The following FSTL4 variants were observed in gnomAD, a reference collection of about 807,000 sequenced individuals.
FSTL4 encodes the protein follistatin-related protein 4.
In FSTL4, 28 loss-of-function variants were observed where a neutral mutation model predicts 78.2. That is an observed-to-expected ratio of 0.36 (90% CI 0.27 to 0.49). The LOEUF (loss-of-function observed/expected upper bound fraction) is 0.49, where lower values mean the gene tolerates loss of function less well. Ranked by LOEUF, FSTL4 falls within the 20% of genes least tolerant of loss-of-function variation. The pLI, the probability that FSTL4 is intolerant of heterozygous loss-of-function variation, is 0.98. For synonymous variants in FSTL4, 422 were observed against 440.5 expected, an observed-to-expected ratio of 0.96 and a Z score of 0.53; for missense variants, 922 against 1,084.9, an observed-to-expected ratio of 0.85 and a Z score of 2.11.
the FSTL4 span, among the ~76,000 whole-genome samples, chr5:133,638,535 C>T: frequency 2.0e-5 from 3 of 152,126 alleles, no homozygotes; most frequent in Non-Finnish European, 4.4e-5. Flanking sequence ...TGCCTAAGGA[C>T]GTCCCTTCCC....
chr5:133,739,074 G>A, the FSTL4 span, among the ~76,000 whole-genome samples: 3 of 152,086 alleles, frequency 2.0e-5, no homozygotes, highest in African/African-American at 7.2e-5. Context: ...GCCCACAGCT[G>A]CCAGGCAACA....
chr5:133,753,685 G>GTC, the FSTL4 span, among the ~76,000 whole-genome samples: 2 of 28,688 alleles, frequency 7.0e-5, no homozygotes, highest in Non-Finnish European at 1.4e-4. Flanking sequence ...CATTTGTTCT[G>GTC]TGTGTGTGTG....
At chr5:133,352,836 A>T (rs886575556) in intron 4 of FSTL4, among the ~76,000 whole-genome samples, 2 of 152,186 alleles carry the variant, frequency 1.3e-5, no homozygotes, top group Non-Finnish European at 2.9e-5. Context: ...CCACATTTTT[A>T]AAAAATCCAA....
the FSTL4 span, among the ~76,000 whole-genome samples, chr5:133,630,343 T>C: frequency 0.047 from 7,092 of 152,258 alleles, 500 homozygotes; most frequent in African/African-American, 0.16. Flanking sequence ...AGAATTCCTA[T>C]ACACCAATAA....
chr5:133,579,652 C>G (rs894093914), intron 2 of FSTL4, among the ~76,000 whole-genome samples: 2 of 152,196 alleles, frequency 1.3e-5, no homozygotes, highest in Admixed American at 1.3e-4. Context: ...AATGATACAA[C>G]TTAACATCCA....
In FSTL4 at chr5:133,413,277, T is replaced by C. The variant is rs150237882; in HGVS notation, c.161-12291A>G. ...ATACCTCAAATTCTCTTTATGTTTGTCTAAAATGTCTATTTTATCCTAATT... is the reference window on the plus strand; with the variant it reads ...ATACCTCAAATTCTCTTTATGTTTGCCTAAAATGTCTATTTTATCCTAATT... On this transcript the variant is annotated intron_variant, in intron 3 of 15. Coordinates refer to ENST00000265342, the MANE Select transcript of FSTL4 (RefSeq NM_015082.2). Among the ~76,000 whole-genome samples, 30 of 151,826 alleles carry C rather than the reference T, an allele frequency of 2.0e-4. No individual in the cohort carries two copies. The East Asian group carries it at 5.6e-3, about 28-fold the overall frequency.
chr5:133,297,383 G>A (rs1325253119), intron 6 of FSTL4, among the ~76,000 whole-genome samples: 1 of 152,122 alleles, frequency 6.6e-6, no homozygotes, highest in Non-Finnish European at 1.5e-5. Context: ...GGCTCGGTGG[G>A]ACTCGTGGGT....
intron 10 of FSTL4, 194 bp from the exon 11 acceptor site, chr5:133,224,410 T>C (rs1184786512): frequency 2.9e-5 from 14 of 485,348 alleles, no homozygotes. Context: ...ACAAATGCTT[T>C]CAGGTCTCCA....
intron 2 of FSTL4, among the ~76,000 whole-genome samples, chr5:133,576,017 T>A (rs973152904): frequency 1.3e-5 from 2 of 152,232 alleles, no homozygotes; most frequent in African/African-American, 4.8e-5. Context: ...CTCACTATAA[T>A]GTAGAAGAAC....
At chr5:133,312,810 CA>C (rs1254241070) in intron 5 of FSTL4, 33 bp from the exon 6 acceptor site, 3 of 1,612,372 alleles carry the variant, frequency 1.9e-6, no homozygotes, top group Non-Finnish European at 2.5e-6. Context: ...AGGCCAGAAT[CA>C]GATGAGTTTA....
chr5:133,444,975 T>C (rs1757232632), intron 3 of FSTL4, among the ~76,000 whole-genome samples: 1 of 152,128 alleles, frequency 6.6e-6, no homozygotes, highest in Non-Finnish European at 1.5e-5. Context: ...GCATAGCCTG[T>C]GGAAAGGTGG....
At chr5:133,600,803 A>G (rs1354972478) in intron 2 of FSTL4, among the ~76,000 whole-genome samples, 1 of 152,232 alleles carries the variant, frequency 6.6e-6, no homozygotes, top group Non-Finnish European at 1.5e-5. Context: ...TCTTAAGTCA[A>G]TGAGTATTTG....
chr5:133,450,943 C>T (rs536306922), intron 3 of FSTL4, among the ~76,000 whole-genome samples: 1 of 152,068 alleles, frequency 6.6e-6, no homozygotes, highest in South Asian at 2.1e-4. Context: ...AGACTCTTCA[C>T]CCTGGAGGGG....
Position 133,448,749 on chromosome 5 carries a change from G to GA in FSTL4, c.161-47764_161-47763insT, listed in dbSNP as rs554384602. ...CCAGGGGTGCGGGGGCGGGGGGGGG[G>GA]GGCGCTCAGAATTTTCCGCCTTTTG... On this transcript the variant is annotated intron_variant, in intron 3 of 15. Transcript: ENST00000265342. Among the ~76,000 whole-genome samples the GA allele has an allele frequency of 5.0e-5, 7 of 140,376 alleles. No homozygotes were observed. In the South Asian group the frequency reaches 1.1e-3, roughly 21 times the overall value. 92.1% of individuals were successfully genotyped at this position (140,376 alleles called of 152,430 possible).
chr5:133,558,080 C>T (rs1440114819), intron 3 of FSTL4, among the ~76,000 whole-genome samples: 2 of 152,172 alleles, frequency 1.3e-5, no homozygotes, highest in East Asian at 3.9e-4. Flanking sequence ...GCAGGTACAC[C>T]AGGTAGACAT....
chr5:133,422,493 C>G (rs1205069363), intron 3 of FSTL4, among the ~76,000 whole-genome samples: 1 of 150,956 alleles, frequency 6.6e-6, no homozygotes, highest in African/African-American at 2.4e-5. Flanking sequence ...TGCAGCTGAA[C>G]AATGAGGAGG....
chr5:133,361,736 T>C lies in FSTL4; in HGVS notation c.409+39002A>G, dbSNP rs147359468. Among the ~76,000 whole-genome samples, 1 of 152,306 alleles carries C rather than the reference T, an allele frequency of 6.6e-6. No homozygotes were observed. Among genetic ancestry groups the C allele is most frequent in the East Asian group, 1.9e-4 (1 of 5,186 alleles). On this transcript the variant is annotated intron_variant, in intron 4 of 15. Transcript: ENST00000265342. The surrounding 1 kb of genome is among the most constrained non-coding windows in gnomAD (Gnocchi z 4.3). ...GCAGAACTGCCTTGTAGTGGTTTTT[T>C]TGGCAATCACTGGGGCATTTTCAGC...
At position 133,459,261 on chromosome 5, in the gene FSTL4, C is replaced by T. The variant is rs532574427; in HGVS notation, c.161-58275G>A. Among the ~76,000 whole-genome samples, 4 of 152,268 alleles carry T rather than the reference C, an allele frequency of 2.6e-5. No individual in the cohort carries two copies. The South Asian group carries it at 6.2e-4, about 24-fold the overall frequency. ...GCAAAGCAAACCCACCGACAGTCCCCGAGAGTGCTTTCCCTTTCCACCACC... is the reference window on the plus strand; with the variant it reads ...GCAAAGCAAACCCACCGACAGTCCCTGAGAGTGCTTTCCCTTTCCACCACC... On this transcript the variant is annotated intron_variant, in intron 3 of 15. Coordinates refer to ENST00000265342, the MANE Select transcript of FSTL4 (RefSeq NM_015082.2).
intron 3 of FSTL4, among the ~76,000 whole-genome samples, chr5:133,445,110 T>G (rs1382830773): frequency 6.6e-6 from 1 of 152,220 alleles, no homozygotes; most frequent in East Asian, 1.9e-4. Context: ...GACCCAGCAA[T>G]CCAGACCTGC....
Sources: allele counts gnomAD v4.1 joint callset (sites outside exome capture counted in the v4.1 genomes callset), GRCh38; gene constraint gnomAD v4.1.1; non-coding constraint Gnocchi (gnomAD v3.1); transcripts MANE v1.5; gene names NCBI Gene and HGNC (gene_info 2026-07-23, HGNC 2026-07-21).